Variants in SLC6A11 observed in about 807,000 individuals in gnomAD.
SLC6A11 encodes the protein sodium- and chloride-dependent GABA transporter 3.
A neutral mutation model predicts 74.8 loss-of-function variants in SLC6A11; 25 were observed. The ratio of observed to expected loss-of-function variants is 0.33; its 90% CI spans 0.24 to 0.47. The LOEUF is 0.47. Ranked by LOEUF, SLC6A11 falls within the 20% of genes least tolerant of loss-of-function variation. The pLI, the probability that SLC6A11 is intolerant of heterozygous loss-of-function variation, is 1.00. For synonymous variants in SLC6A11, 330 were observed against 330.2 expected (o/e 1.00, Z 0.01); for missense variants, 574 against 837.0 (o/e 0.69, Z 3.88).
intron 5 of SLC6A11, among the ~76,000 whole-genome samples, chr3:10,851,113 C>T (rs1694570406): frequency 6.6e-6 from 1 of 152,034 alleles, no homozygotes; most frequent in Admixed American, 6.5e-5. Flanking sequence ...GCCCCTACAC[C>T]CTCCCCAGCT....
chr3:10,935,559 C>A (rs1695749951), intron 13 of SLC6A11, among the ~76,000 whole-genome samples: 1 of 152,194 alleles, frequency 6.6e-6, no homozygotes, highest in African/African-American at 2.4e-5. Flanking sequence ...TTTTGTGAAT[C>A]CCAATCATTC....
In SLC6A11 at chr3:10,816,560, C is replaced by A. The variant is rs759269261; in HGVS notation, c.256+39C>A. On this transcript the variant is annotated intron_variant, in intron 1 of 13. Transcript: ENST00000254488. This position sits in a 1 kb window ranked among gnomAD's most constrained non-coding sequence, Gnocchi z 4.2. ...GAGGAGAAGGGGAGGGGGCGCCAAC[C>A]GCCCGGTGGGGGCGGGGAGCCAGGG... 6.6e-6 allele frequency: 10 copies of A among 1,520,074 alleles called. No homozygotes were observed. Among genetic ancestry groups the A allele is most frequent in the Non-Finnish European group, 8.8e-6 (10 of 1,131,260 alleles). 94.2% of individuals were successfully genotyped at this position (1,520,074 alleles called of 1,614,324 possible). A position where few individuals can be genotyped will look rare whatever the true frequency, so the allele number is the denominator to read the frequency against.
chr3:10,864,594 C>T (rs1038016325), intron 5 of SLC6A11, among the ~76,000 whole-genome samples: 38 of 152,186 alleles, frequency 2.5e-4, no homozygotes, highest in African/African-American at 7.5e-4. Flanking sequence ...CTTGGGTCCC[C>T]GGCTTCCCTT....
chr3:10,898,762 TTC>T (rs1695201672), intron 6 of SLC6A11, among the ~76,000 whole-genome samples: 1 of 152,204 alleles, frequency 6.6e-6, no homozygotes, highest in Admixed American at 6.5e-5. Flanking sequence ...TGTTACCTAT[TTC>T]CAAAGTCACT....
intron 6 of SLC6A11, among the ~76,000 whole-genome samples, chr3:10,898,791 T>C (rs1231262345): frequency 5.9e-5 from 9 of 152,238 alleles, no homozygotes. Context: ...TTTTTGGGTA[T>C]CTTTTCAGCA....
At position 10,935,221 on chromosome 3, in the gene SLC6A11, T is replaced by A. The variant is rs774255620; in HGVS notation, c.1746+22T>A. 6 of 1,612,006 alleles carry A rather than the reference T, an allele frequency of 3.7e-6. No homozygotes were observed. In the South Asian group the frequency reaches 6.6e-5, roughly 18 times the overall value. On this transcript the variant is annotated intron_variant, in intron 13 of 13. Transcript: ENST00000254488. Reference sequence around the variant, plus strand: ...CGAGGTGAGACCGCCCCAGGAGGGCTGGTGCGTTTGGGCAGGGTTCGCGCC... The same window carrying A: ...CGAGGTGAGACCGCCCCAGGAGGGCAGGTGCGTTTGGGCAGGGTTCGCGCC...
chr3:10,849,265 G>A (rs527291502), intron 5 of SLC6A11, among the ~76,000 whole-genome samples: 2 of 152,296 alleles, frequency 1.3e-5, no homozygotes, highest in Non-Finnish European at 2.9e-5. Context: ...GTATCTTCTG[G>A]ATGATACAAA....
rs1695485134 is a variant in SLC6A11, at chr3:10,918,265, A to G, written c.996-64A>G. 15 of 1,471,980 alleles carry G rather than the reference A, an allele frequency of 1.0e-5. No individual in the cohort carries two copies. The South Asian group carries it at 1.6e-4, about 16-fold the overall frequency. The allele number at this position is 1,471,980 out of a possible 1,614,324, so 91.2% of individuals were successfully genotyped here. The stretch of plus-strand genomic sequence containing the variant: ...GACAGCCATGGTGCTCGGGTGGAGA[A>G]CGTTTGAGCCGTGCACCGGTTCTGC... On this transcript the variant is annotated intron_variant, in intron 7 of 13. Transcript: ENST00000254488. The surrounding 1 kb of genome is among the most constrained non-coding windows in gnomAD (Gnocchi z 4.5).
At chr3:10,877,835 A>T (rs1694928024) in intron 6 of SLC6A11, among the ~76,000 whole-genome samples, 1 of 152,004 alleles carries the variant, frequency 6.6e-6, no homozygotes, top group East Asian at 1.9e-4. Flanking sequence ...GCAAAATCTC[A>T]AGTGTTTACC....
intron 9 of SLC6A11, 123 bp from the exon 10 acceptor site, chr3:10,929,079 C>A: frequency 1.0e-6 from 1 of 975,544 alleles, no homozygotes; most frequent in Non-Finnish European, 1.6e-6. Flanking sequence ...GGCCCCTCGT[C>A]TGCATTAATG....
intron 4 of SLC6A11, among the ~76,000 whole-genome samples, chr3:10,827,340 T>C (rs1432863818): frequency 6.6e-6 from 1 of 152,176 alleles, no homozygotes; most frequent in Admixed American, 6.5e-5. Flanking sequence ...TTCCACTAAA[T>C]GCAGTCTGGG....
chr3:10,903,998 T>G (rs1040505183), intron 6 of SLC6A11, among the ~76,000 whole-genome samples: 3 of 152,258 alleles, frequency 2.0e-5, no homozygotes, highest in African/African-American at 4.8e-5. Flanking sequence ...AAGGTGAGCA[T>G]GTTTCCAGCA....
chr3:10,892,587 C>G (rs1392336803), intron 6 of SLC6A11, among the ~76,000 whole-genome samples: 2 of 134,198 alleles, frequency 1.5e-5, no homozygotes. Flanking sequence ...TTTTTTTTTG[C>G]TATCAGTAAT....
chr3:10,868,379 T>C (rs1009453181), intron 5 of SLC6A11, among the ~76,000 whole-genome samples: 1 of 152,198 alleles, frequency 6.6e-6, no homozygotes, highest in African/African-American at 2.4e-5. Context: ...CTGAAATAAA[T>C]GGCCGTGTCC....
intron 4 of SLC6A11, among the ~76,000 whole-genome samples, chr3:10,827,398 G>T (rs1694225127): frequency 6.6e-6 from 1 of 152,210 alleles, no homozygotes; most frequent in Non-Finnish European, 1.5e-5. Context: ...GCCAAAAGTT[G>T]ATTTCTGGGG....
chr3:10,860,531 G>T (rs1398238209), intron 5 of SLC6A11, among the ~76,000 whole-genome samples: 1 of 152,218 alleles, frequency 6.6e-6, no homozygotes, highest in African/African-American at 2.4e-5. Context: ...GAAGCTGAAG[G>T]GTTCCCTGAG....
rs114603221 is a variant in SLC6A11 at position 10,923,296 on chromosome 3, C to T, written c.1121-2708C>T. Among the ~76,000 whole-genome samples, 821 of 149,948 alleles carry T rather than the reference C, an allele frequency of 5.5e-3. 8 individuals are homozygous for T. Among genetic ancestry groups the T allele is most frequent in the Non-Finnish European group, 8.7e-3 (591 of 67,630 alleles). ...GCTCCTTGGCAAAACAGTTGATTTC[C>T]GGGCTAGGGCAAGACAAGGTGAAGC... On this transcript the variant is annotated intron_variant, in intron 8 of 13. Coordinates refer to ENST00000254488, the MANE Select transcript of SLC6A11 (RefSeq NM_014229.3).
chr3:10,818,353 C>G (rs1292258868), intron 1 of SLC6A11, among the ~76,000 whole-genome samples: 4 of 152,172 alleles, frequency 2.6e-5, no homozygotes, highest in Admixed American at 2.0e-4. Context: ...TAAACAGATC[C>G]TCTTATCTCC....
In SLC6A11 at chr3:10,884,687, A is replaced by T. The variant is rs906367259; in HGVS notation, c.891+9592A>T. Among the ~76,000 whole-genome samples the T allele has an allele frequency of 4.6e-5, 7 of 152,038 alleles. No homozygotes were observed. The South Asian group carries it at 1.5e-3, about 32-fold the overall frequency. On this transcript the variant is annotated intron_variant, in intron 6 of 13. Transcript: ENST00000254488. ...GCTCTGGAATCTCTGAGCATCCCAA[A>T]CCTATGTGACAACTTTGCAAGAATC...
Sources: gnomAD v4.1 joint callset for allele counts (sites outside exome capture counted in the v4.1 genomes callset) on GRCh38, gnomAD v4.1.1 for gene constraint, Gnocchi (gnomAD v3.1) non-coding constraint, MANE v1.5 for transcripts, NCBI Gene and HGNC (gene_info 2026-07-23, HGNC 2026-07-21) for gene names.